Variants in RCOR3 observed in about 807,000 individuals in gnomAD.
RCOR3 encodes REST corepressor 3.
RCOR3 carries 13 observed loss-of-function variants against 64.1 expected under a neutral mutation model. That is an observed-to-expected ratio of 0.20 (90% CI 0.13 to 0.32). The LOEUF (loss-of-function observed/expected upper bound fraction) is 0.32, where lower values mean the gene tolerates loss of function less well. Among genes scored for constraint, RCOR3 ranks in the 10% least tolerant of loss-of-function variants. The probability of loss-of-function intolerance (pLI) is 1.00; values close to 1 mark genes in which losing one functional copy is unlikely to be tolerated. For missense variants in RCOR3, 489 were observed against 701.2 expected (o/e 0.70, Z 3.42); for synonymous variants, 215 against 239.0 (o/e 0.90, Z 0.93).
intron 9 of RCOR3, among the ~76,000 whole-genome samples, chr1:211,298,983 G>A (rs906585662): frequency 5.3e-5 from 8 of 151,826 alleles, no homozygotes; most frequent in African/African-American, 1.9e-4. Flanking sequence ...CTCCAGCCTG[G>A]GTGACAGAGT....
chr1:211,308,232 C>T (rs1213255493), intron 10 of RCOR3, among the ~76,000 whole-genome samples: 1 of 152,170 alleles, frequency 6.6e-6, no homozygotes, highest in Non-Finnish European at 1.5e-5. Context: ...CCCTCTGATA[C>T]ACTTACATTA....
At chr1:211,293,537 C>A (rs1187723323) in intron 8 of RCOR3, among the ~76,000 whole-genome samples, 1 of 152,330 alleles carries the variant, frequency 6.6e-6, no homozygotes, top group East Asian at 1.9e-4. Context: ...TTCTTTGGAA[C>A]ACTTTCCCTA....
chr1:211,273,732 G>C (rs1696565035), intron 3 of RCOR3, among the ~76,000 whole-genome samples: 1 of 152,166 alleles, frequency 6.6e-6, no homozygotes, highest in South Asian at 2.1e-4. Context: ...ATACATAAAT[G>C]TGTCGTTATT....
chr1:211,279,253 A>G lies in RCOR3; in HGVS notation c.657A>G (p.Glu219=), dbSNP rs1308945447. 6.2e-7 allele frequency: 1 copy of G among 1,610,476 alleles called. No individual in the cohort carries two copies. Among genetic ancestry groups the G allele is most frequent in the South Asian group, 1.1e-5 (1 of 90,298 alleles). ...HNQGDSDDDV[E]ETHPMDGNDS... ...TTCTTCTCAGTGATGATGATGTAGAAGAAACACATCCAATGGATGGGAATG... is the reference window on the plus strand; with the variant it reads ...TTCTTCTCAGTGATGATGATGTAGAGGAAACACATCCAATGGATGGGAATG... Residue 219 remains glutamate (E), a synonymous_variant, in exon 7 of 12, where the codon GAA becomes GAG. Coordinates refer to ENST00000419091, the MANE Select transcript of RCOR3 (RefSeq NM_001136223.3).
At chr1:211,289,124 C>G in intron 7 of RCOR3, 54 bp from the exon 8 acceptor site, 1 of 1,362,870 alleles carries the variant, frequency 7.3e-7, no homozygotes, top group Non-Finnish European at 1.0e-6. Context: ...ACTGTTTTCA[C>G]TTTATACATT....
chr1:211,280,639 A>T, intron 7 of RCOR3, among the ~76,000 whole-genome samples: 1 of 152,086 alleles, frequency 6.6e-6, no homozygotes, highest in South Asian at 2.1e-4. Context: ...TCTTTCGCAT[A>T]TTTTCAACCT....
intron 3 of RCOR3, chr1:211,271,958 A>G (rs1696261833): frequency 6.3e-6 from 1 of 157,908 alleles, no homozygotes; most frequent in African/African-American, 2.4e-5. Context: ...GACACTGAAC[A>G]GTTAATTCTA....
At chr1:211,290,374 C>A (rs1014105229) in intron 8 of RCOR3, among the ~76,000 whole-genome samples, 1 of 152,198 alleles carries the variant, frequency 6.6e-6, no homozygotes, top group Non-Finnish European at 1.5e-5. Context: ...TTATCCCTTT[C>A]CCAACACATG....
At position 211,314,091 on chromosome 1, in the gene RCOR3, G is replaced by A. The variant is rs568265125; in HGVS notation, c.*323G>A. On this transcript the variant is annotated 3_prime_UTR_variant, in exon 12 of 12. Coordinates refer to ENST00000419091, the MANE Select transcript of RCOR3 (RefSeq NM_001136223.3). The stretch of plus-strand genomic sequence containing the variant: ...GTTTTTACTGTATTTATTTTATTGA[G>A]GTTCTTTATATTCCTGCCTCTTCAT... The A allele has an allele frequency of 2.2e-4, 48 of 221,764 alleles. No individual in the cohort carries two copies. Among genetic ancestry groups the A allele is most frequent in the African/African-American group, 1.1e-3 (47 of 43,516 alleles). The allele number at this position is 221,764 out of a possible 1,614,324, so 13.7% of individuals were successfully genotyped here. A position where few individuals can be genotyped will look rare whatever the true frequency, so the allele number is the denominator to read the frequency against.
At chr1:211,277,945 G>C (rs1295998523) in intron 5 of RCOR3, among the ~76,000 whole-genome samples, 172 bp from the exon 6 acceptor site, 2 of 152,162 alleles carry the variant, frequency 1.3e-5, no homozygotes, top group African/African-American at 4.8e-5. Context: ...AGAAATGTCA[G>C]TGAAATTGAT....
rs190487102 is a variant in RCOR3, at chr1:211,299,687, C to T, written c.1017+3934C>T. Among the ~76,000 whole-genome samples the T allele has an allele frequency of 1.1e-3, 173 of 152,136 alleles. 1 individual carries two copies. Among genetic ancestry groups the T allele is most frequent in the Non-Finnish European group, 2.0e-3 (138 of 68,002 alleles). On this transcript the variant is annotated intron_variant, in intron 9 of 11. Transcript: ENST00000419091. ...CGAATTCACTAAGCGTGTCATAGAT[C>T]GTTCTAGAAGGCTTTTTGGTACCTT... is the stretch of plus-strand genomic sequence containing the variant.
In RCOR3 at chr1:211,312,236, A is replaced by G; in HGVS notation, c.1076-484A>G. ...TGTTGAAGTTAGTATTAAGACCAAA[A>G]TTATAATGCTTTTCTTAATGGGGGA... On this transcript the variant is annotated intron_variant, in intron 10 of 11. Transcript: ENST00000419091. This position sits in a 1 kb window ranked among gnomAD's most constrained non-coding sequence, Gnocchi z 5.0. The G allele has an allele frequency of 3.1e-6, 1 of 322,868 alleles. No homozygotes were observed. Among genetic ancestry groups the G allele is most frequent in the South Asian group, 2.5e-5 (1 of 39,760 alleles). The allele number at this position is 322,868 out of a possible 1,614,324, so 20.0% of individuals were successfully genotyped here.
chr1:211,302,608 C>A (rs1360787975), intron 9 of RCOR3: 4 of 152,170 alleles, frequency 2.6e-5, no homozygotes, highest in Admixed American at 2.6e-4. Flanking sequence ...TTTAAAAAAA[C>A]TAATTTCTAC....
At chr1:211,298,445 G>A (rs974002398) in intron 9 of RCOR3, among the ~76,000 whole-genome samples, 34 of 152,112 alleles carry the variant, frequency 2.2e-4, no homozygotes, top group Non-Finnish European at 7.4e-5. Flanking sequence ...TCTAGTAGGG[G>A]AAAATTAAAA....
intron 10 of RCOR3, among the ~76,000 whole-genome samples, chr1:211,309,086 T>TTA (rs369747013): frequency 2.4e-4 from 27 of 113,908 alleles, no homozygotes; most frequent in African/African-American, 7.3e-4. Flanking sequence ...TAGCTAAACA[T>TTA]AAAAAAAAAA....
chr1:211,291,439 T>A (rs1699230394), intron 8 of RCOR3: 19 of 392,922 alleles, frequency 4.8e-5, no homozygotes, highest in South Asian at 3.6e-4. Flanking sequence ...CAAAATCCCC[T>A]GAAATTTGAA....
intron 8 of RCOR3, among the ~76,000 whole-genome samples, chr1:211,294,484 T>A (rs796066747): frequency 6.6e-6 from 1 of 152,194 alleles, no homozygotes; most frequent in East Asian, 1.9e-4. Context: ...TATGTGTCAT[T>A]GAAGTTTTTT....
Position 211,259,770 on chromosome 1 carries a change from C to G in RCOR3, c.166+44C>G, listed in dbSNP as rs755875759. 44 of 1,356,808 alleles carry G rather than the reference C, an allele frequency of 3.2e-5. 1 individual carries two copies. The South Asian group carries it at 6.4e-4, about 20-fold the overall frequency. The allele number at this position is 1,356,808 out of a possible 1,614,324, so 84.0% of individuals were successfully genotyped here. On this transcript the variant is annotated intron_variant, in intron 1 of 11. Coordinates refer to ENST00000419091, the MANE Select transcript of RCOR3 (RefSeq NM_001136223.3). ...TCCCCGCCAGCCCGCCTGCCCCCCT[C>G]CCTCTTCCCCTCCCCCAGCCCCCTC...
intron 7 of RCOR3, among the ~76,000 whole-genome samples, chr1:211,283,062 T>C (rs992234282): frequency 6.6e-6 from 1 of 152,218 alleles, no homozygotes; most frequent in Admixed American, 6.5e-5. Flanking sequence ...CTGCAACTTA[T>C]TCACTCTCCA....
Sources: allele counts gnomAD v4.1 joint callset (sites outside exome capture counted in the v4.1 genomes callset), GRCh38; gene constraint gnomAD v4.1.1; non-coding constraint Gnocchi (gnomAD v3.1); transcripts MANE v1.5; gene names NCBI Gene and HGNC (gene_info 2026-07-23, HGNC 2026-07-21).